The following PSME4 variants were observed in gnomAD, a reference collection of about 807,000 sequenced individuals.
The protein encoded by PSME4 is proteasome activator subunit 4, also known as proteasome activator complex subunit 4.
A neutral mutation model predicts 253.9 loss-of-function variants in PSME4; 89 were observed. That is an observed-to-expected ratio of 0.35 (90% confidence interval 0.30 to 0.42). The LOEUF is 0.42. Among genes scored for constraint, PSME4 ranks in the 10% least tolerant of loss-of-function variants. The pLI, the probability that PSME4 is intolerant of heterozygous loss-of-function variation, is 1.00. For missense variants in PSME4, 2,014 were observed against 2,195.2 expected, an observed-to-expected ratio of 0.92 and a Z score of 1.65; for synonymous variants, 851 against 759.2, an observed-to-expected ratio of 1.12 and a Z score of -1.99.
At chr2:53,930,592 A>C (rs1193009699) in intron 10 of PSME4, among the ~76,000 whole-genome samples, 1 of 152,236 alleles carries the variant, frequency 6.6e-6, no homozygotes, top group Admixed American at 6.5e-5. Flanking sequence ...GAAGTTGGGA[A>C]AATGAAGTAC....
chr2:53,935,695 C>A (rs1361247035), intron 7 of PSME4, among the ~76,000 whole-genome samples: 1 of 152,066 alleles, frequency 6.6e-6, no homozygotes, highest in Non-Finnish European at 1.5e-5. Context: ...ATACCCTGCA[C>A]AAGAAAACAC....
intron 9 of PSME4, 57 bp downstream of exon 9, chr2:53,932,611 A>C: frequency 7.2e-7 from 1 of 1,389,122 alleles, no homozygotes; most frequent in South Asian, 1.2e-5. Flanking sequence ...GCAATAGTCA[A>C]GGATGACCAT....
Position 53,897,288 on chromosome 2 carries a change from G to GC in PSME4, c.3607-404dup, listed in dbSNP as rs534955983. On this transcript the variant is annotated intron_variant, in intron 31 of 46. Coordinates refer to ENST00000404125, the MANE Select transcript of PSME4 (RefSeq NM_014614.3). Reference sequence around the variant, plus strand: ...GGGTTCAAGCGATTCTACTGCCTCAGCCTCCCAAGTAGGTGGGATTACAGG... The same window carrying GC: ...GGGTTCAAGCGATTCTACTGCCTCAGCCCTCCCAAGTAGGTGGGATTACAGG... Among the ~76,000 whole-genome samples, 3 of 150,568 alleles carry GC rather than the reference G, an allele frequency of 2.0e-5. No individual in the cohort carries two copies. The East Asian group carries it at 6.0e-4, about 30-fold the overall frequency.
At chr2:53,865,720 A>C (rs1301088234) in intron 46 of PSME4, 147 bp from the exon 47 acceptor site, 3 of 174,062 alleles carry the variant, frequency 1.7e-5, no homozygotes, top group Non-Finnish European at 3.6e-5. Flanking sequence ...ATCCAGATCA[A>C]GTTCTCACAA....
At chr2:53,931,135 G>A (rs1245636828) in intron 10 of PSME4, among the ~76,000 whole-genome samples, 1 of 152,138 alleles carries the variant, frequency 6.6e-6, no homozygotes, top group Non-Finnish European at 1.5e-5. Context: ...AAAATTAGCT[G>A]GGTGTGGTGG....
intron 1 of PSME4, among the ~76,000 whole-genome samples, chr2:53,952,165 G>T (rs952579635): frequency 6.6e-6 from 1 of 152,160 alleles, no homozygotes; most frequent in African/African-American, 2.4e-5. Flanking sequence ...GCCAGGCGTG[G>T]TGGCTCATGC....
chr2:53,910,193 A>T, intron 20 of PSME4, 63 bp from the exon 21 acceptor site: 3 of 1,359,188 alleles, frequency 2.2e-6, no homozygotes, highest in Admixed American at 1.7e-5. Context: ...TAAAGGGAAA[A>T]GTTTCATTGC....
At chr2:53,870,652 A>T (rs1429269373) in intron 43 of PSME4, 1 of 152,084 alleles carries the variant, frequency 6.6e-6, no homozygotes, top group Non-Finnish European at 1.5e-5. Context: ...CTGCGATTAC[A>T]GGCATGAGCT....
In PSME4 at chr2:53,931,849, G is replaced by C. The variant is rs1668846130; in HGVS notation, c.1302C>G (p.Pro434=). Residue 434 remains proline (P), a synonymous_variant, in exon 10 of 47, where the codon CCC becomes CCG. Coordinates refer to ENST00000404125, the MANE Select transcript of PSME4 (RefSeq NM_014614.3). ...LALMRPELVI[P]PVLERTYPAL... ...TAACCACTTACCTTTCAAGTACAGG[G>C]GGTATTACCAATTCAGGTCTCATGA... The C allele has an allele frequency of 1.9e-6, 3 of 1,614,072 alleles. No homozygotes were observed. The African/African-American group carries it at 4.0e-5, about 22-fold the overall frequency.
intron 41 of PSME4, 69 bp from the exon 42 acceptor site, chr2:53,875,824 G>A (rs1679090021): frequency 7.2e-7 from 1 of 1,391,922 alleles, no homozygotes; most frequent in Non-Finnish European, 9.8e-7. Flanking sequence ...CATCCTACAT[G>A]AGAGACAACA....
rs537658126 is a variant in PSME4 at position 53,936,626 on chromosome 2, G to A, written c.759+138C>T. The stretch of plus-strand genomic sequence containing the variant: ...TTGAAAAGAAACTGATCATAACATG[G>A]CTAACAGCCAATCCTAAGGAACTTC... On this transcript the variant is annotated intron_variant, in intron 6 of 46. Coordinates refer to ENST00000404125, the MANE Select transcript of PSME4 (RefSeq NM_014614.3). 57 of 571,272 alleles carry A rather than the reference G, an allele frequency of 1.0e-4. No individual in the cohort carries two copies. In the African/African-American group the frequency reaches 1.0e-3, roughly 10 times the overall value. 35.4% of individuals were successfully genotyped at this position (571,272 alleles called of 1,614,324 possible).
At chr2:53,948,305 G>T in intron 3 of PSME4, 116 bp downstream of exon 3, 1 of 711,264 alleles carries the variant, frequency 1.4e-6, no homozygotes, top group Non-Finnish European at 2.5e-6. Flanking sequence ...CACAGAAATA[G>T]GCACATTAAA....
rs1487986953 is a variant in PSME4 at position 53,880,567 on chromosome 2, G to A, written c.4816-4812C>T. Among the ~76,000 whole-genome samples the A allele has an allele frequency of 2.6e-5, 4 of 152,300 alleles. No individual in the cohort carries two copies. In the South Asian group the frequency reaches 8.3e-4, roughly 32 times the overall value. On this transcript the variant is annotated intron_variant, in intron 41 of 46. Transcript: ENST00000404125. Reference sequence around the variant, plus strand: ...CAGAAAACTGGTTAAATTTTTAAACGATGGTACAATTTAGTCATAAAAAGA... The same window carrying A: ...CAGAAAACTGGTTAAATTTTTAAACAATGGTACAATTTAGTCATAAAAAGA...
chr2:53,893,780 T>A lies in PSME4; in HGVS notation c.3932A>T (p.Asp1311Val). The A allele has an allele frequency of 6.2e-7, 1 of 1,609,006 alleles. No individual in the cohort carries two copies. The change falls in exon 35 of 47, where the codon GAT (aspartate) becomes GTT (valine). Residue 1311 changes from aspartate to valine, a missense_variant. This residue lies in a region of PSME4 where 989 missense variants were observed against 1,021.1 expected (regional missense o/e 0.97). Transcript: ENST00000404125. ...DMTEAEQIIFDHFSDPKFVEQ... is the reference protein window; with the variant it reads ...DMTEAEQIIFVHFSDPKFVEQ... ...AACAAATTTAGGATCAGAAAAATGATCAAATATAATCTGTTCTGCCTATAA... is the reference window on the plus strand; with the variant it reads ...AACAAATTTAGGATCAGAAAAATGAACAAATATAATCTGTTCTGCCTATAA...
chr2:53,927,021 G>A (rs1668587838), intron 12 of PSME4, among the ~76,000 whole-genome samples: 1 of 151,816 alleles, frequency 6.6e-6, no homozygotes, highest in Admixed American at 6.6e-5. Flanking sequence ...GAAAGAGCCA[G>A]ACAGAAATGA....
intron 11 of PSME4, 24 bp from the exon 12 acceptor site, chr2:53,927,507 T>C (rs992437464): frequency 3.1e-5 from 45 of 1,436,896 alleles, no homozygotes; most frequent in Non-Finnish European, 4.3e-5. Context: ...CAAAGGATTT[T>C]CAACATTACA....
Position 53,867,610 on chromosome 2 carries a change from A to C in PSME4, c.5264-730T>G, listed in dbSNP as rs577382505. Among the ~76,000 whole-genome samples, 92 of 148,796 alleles carry C rather than the reference A, an allele frequency of 6.2e-4. 1 individual carries two copies. Among genetic ancestry groups the C allele is most frequent in the Admixed American group, 6.0e-3 (89 of 14,848 alleles). The stretch of plus-strand genomic sequence containing the variant: ...CTTGAGCCTGGGAGGTCAAGGCTGC[A>C]GTGAGCCATATTCAAAACCACTGCA... On this transcript the variant is annotated intron_variant, in intron 44 of 46. Transcript: ENST00000404125.
chr2:53,918,347 T>G (rs1668149640), intron 20 of PSME4, among the ~76,000 whole-genome samples: 1 of 152,172 alleles, frequency 6.6e-6, no homozygotes, highest in Non-Finnish European at 1.5e-5. Flanking sequence ...CTGATTTTAT[T>G]CTTTTTGTTT....
Position 53,920,933 on chromosome 2 carries a change from G to T in PSME4, c.2218C>A (p.Pro740Thr). The stretch of plus-strand genomic sequence containing the variant: ...GAAGGAGGCTTGTCAAAGCCACCTG[G>T]CACACTGCAGTATTCTGTAGGGTAG... ...LIYPTEYCSVPGGFDKPPSEY... is the reference protein window; with the variant it reads ...LIYPTEYCSVTGGFDKPPSEY... Residue 740 changes from proline (P) to threonine (T), a missense_variant, in exon 18 of 47, where the codon CCA (proline) becomes ACA (threonine). Physicochemically the swap from Pro to Thr is conservative, Grantham distance 38. This residue lies in a region of PSME4 where 989 missense variants were observed against 1,021.1 expected (regional missense o/e 0.97). Coordinates refer to ENST00000404125, the MANE Select transcript of PSME4 (RefSeq NM_014614.3). 6 of 1,613,672 alleles carry T rather than the reference G, an allele frequency of 3.7e-6. No individual in the cohort carries two copies. Among genetic ancestry groups the T allele is most frequent in the Non-Finnish European group, 5.1e-6 (6 of 1,179,602 alleles).
Sources: allele counts gnomAD v4.1 joint callset (sites outside exome capture counted in the v4.1 genomes callset), GRCh38; gene constraint gnomAD v4.1.1; regional missense constraint gnomAD v4.1.1; transcripts MANE v1.5; gene names NCBI Gene and HGNC (gene_info 2026-07-23, HGNC 2026-07-21).